The following ARMC8 variants were observed in gnomAD, a reference collection of about 807,000 sequenced individuals.
The protein encoded by ARMC8 is armadillo repeat-containing protein 8.
Under a neutral mutation model 99.3 loss-of-function variants are expected in ARMC8, and 20 were observed. The ratio of observed to expected loss-of-function variants is 0.20; its 90% CI spans 0.14 to 0.29. The LOEUF (loss-of-function observed/expected upper bound fraction) is 0.29. Ranked by LOEUF, ARMC8 falls within the 10% of genes least tolerant of loss-of-function variation. ARMC8 has a pLI of 1.00. For missense variants in ARMC8, 569 were observed against 809.5 expected (o/e 0.70, Z 3.60); for synonymous variants, 263 against 278.3 (o/e 0.95, Z 0.55).
chr3:138,230,176 T>C (rs2045960242), intron 6 of ARMC8, among the ~76,000 whole-genome samples: 2 of 152,206 alleles, frequency 1.3e-5, no homozygotes, highest in Admixed American at 1.3e-4. Context: ...TATCAAACAA[T>C]GCCTTATAAT....
At chr3:138,211,651 G>A (rs1285291488) in intron 2 of ARMC8, among the ~76,000 whole-genome samples, 1 of 152,138 alleles carries the variant, frequency 6.6e-6, no homozygotes, top group Non-Finnish European at 1.5e-5. Flanking sequence ...GAAGGAGCGT[G>A]GGGTTTGGAG....
At chr3:138,195,603 C>G (rs766410316) in intron 1 of ARMC8, among the ~76,000 whole-genome samples, 17 of 152,102 alleles carry the variant, frequency 1.1e-4, no homozygotes, top group Non-Finnish European at 2.1e-4. Flanking sequence ...GTCAGTGATT[C>G]TGACTTGTAT....
chr3:138,256,301 C>T (rs980448470), intron 12 of ARMC8, among the ~76,000 whole-genome samples: 1 of 151,866 alleles, frequency 6.6e-6, no homozygotes, highest in African/African-American at 2.4e-5. Context: ...GGCTGGCATC[C>T]TCTCTGAGCT....
Position 138,201,409 on chromosome 3 carries a change from C to T in ARMC8, c.46-8408C>T, listed in dbSNP as rs540152589. Among the ~76,000 whole-genome samples, 4 of 138,924 alleles carry T rather than the reference C, an allele frequency of 2.9e-5. No individual in the cohort carries two copies. The East Asian group carries it at 8.9e-4, about 31-fold the overall frequency. 91.1% of individuals were successfully genotyped at this position (138,924 alleles called of 152,430 possible). A position where few individuals can be genotyped will look rare whatever the true frequency, so the allele number is the denominator to read the frequency against. On this transcript the variant is annotated intron_variant, in intron 1 of 21. Coordinates refer to ENST00000469044, the MANE Select transcript of ARMC8 (RefSeq NM_001363941.2). The stretch of plus-strand genomic sequence containing the variant: ...GCTCTTGCATATGTTGTGCTCTCTA[C>T]CTAGAGTCCTTGTCTTCTTCCCCTC...
Position 138,223,488 on chromosome 3 carries a change from C to G in ARMC8, c.294C>G (p.Val98=). The G allele has an allele frequency of 1.2e-6, 2 of 1,614,168 alleles. No homozygotes were observed. Among genetic ancestry groups the G allele is most frequent in the South Asian group, 2.2e-5 (2 of 91,074 alleles). ...GSLAMGTENN[V]KSLLDCHIIP... The stretch of plus-strand genomic sequence containing the variant: ...TTGCTATGGGTACTGAAAACAATGT[C>G]AAGTCTCTACTGGACTGCCATATTA... Residue 98 remains valine, a synonymous_variant, in exon 4 of 22, where the codon GTC becomes GTG. Coordinates refer to ENST00000469044, the MANE Select transcript of ARMC8 (RefSeq NM_001363941.2).
intron 2 of ARMC8, among the ~76,000 whole-genome samples, chr3:138,212,513 T>G (rs1049967047): frequency 6.6e-6 from 1 of 152,112 alleles, no homozygotes; most frequent in Non-Finnish European, 1.5e-5. Flanking sequence ...TTCTCCATGT[T>G]GGTCAGGCTG....
intron 5 of ARMC8, among the ~76,000 whole-genome samples, chr3:138,228,177 G>A (rs1278320096): frequency 1.3e-5 from 2 of 152,020 alleles, no homozygotes; most frequent in African/African-American, 4.8e-5. Context: ...ACGGGGTTTC[G>A]CCATGTTGGC....
At chr3:138,241,609 G>A (rs1043193479) in intron 10 of ARMC8, among the ~76,000 whole-genome samples, 174 bp from the exon 11 acceptor site, 1 of 152,132 alleles carries the variant, frequency 6.6e-6, no homozygotes, top group African/African-American at 2.4e-5. Flanking sequence ...AATGTGTACT[G>A]AATTTTGCTT....
intron 7 of ARMC8, among the ~76,000 whole-genome samples, chr3:138,235,798 C>CTTTTT (rs71146120): frequency 5.2e-4 from 42 of 80,530 alleles, no homozygotes; most frequent in African/African-American, 6.1e-4. Flanking sequence ...TCCTTTTAGT[C>CTTTTT]TTTTTTTTTT....
chr3:138,269,018 A>T (rs1410203734), intron 15 of ARMC8, among the ~76,000 whole-genome samples: 1 of 152,198 alleles, frequency 6.6e-6, no homozygotes, highest in East Asian at 1.9e-4. Context: ...GGCATGATGT[A>T]CGCATCCTAC....
At chr3:138,285,346 A>G (rs2050304099) in intron 19 of ARMC8, among the ~76,000 whole-genome samples, 1 of 152,218 alleles carries the variant, frequency 6.6e-6, no homozygotes, top group African/African-American at 2.4e-5. Context: ...TATACCTTGA[A>G]TAAAGTTCGT....
At chr3:138,246,910 A>T in intron 12 of ARMC8, 1 of 824,076 alleles carries the variant, frequency 1.2e-6, no homozygotes, top group South Asian at 5.6e-5. Context: ...TGGTAAAGCA[A>T]AGATACTGTG....
In ARMC8 at chr3:138,239,192, T is replaced by TC. The variant is rs3836416; in HGVS notation, c.777-274dup. 682 of 317,248 alleles carry TC rather than the reference T, an allele frequency of 2.1e-3. 13 individuals are homozygous for TC. In the East Asian group the frequency reaches 0.024, roughly 11 times the overall value. The allele number at this position is 317,248 out of a possible 1,614,324, so 19.7% of individuals were successfully genotyped here. On this transcript the variant is annotated intron_variant, in intron 9 of 21. Coordinates refer to ENST00000469044, the MANE Select transcript of ARMC8 (RefSeq NM_001363941.2). The stretch of plus-strand genomic sequence containing the variant: ...GCCCAGCACCTAGCCTCAAAATGTG[T>TC]CCATCATTAGGTTATTTATTTTTAA...
At chr3:138,203,837 T>C (rs1207605138) in intron 1 of ARMC8, among the ~76,000 whole-genome samples, 1 of 152,238 alleles carries the variant, frequency 6.6e-6, no homozygotes, top group Admixed American at 6.5e-5. Context: ...ATAAATTTAC[T>C]TCAGACTTCT....
chr3:138,194,046 C>G (rs1391991109), intron 1 of ARMC8, among the ~76,000 whole-genome samples: 1 of 142,322 alleles, frequency 7.0e-6, no homozygotes, highest in Non-Finnish European at 1.5e-5. Flanking sequence ...GGCATTACGT[C>G]TTTTTTTTTT....
At chr3:138,219,496 A>T (rs1300042906) in intron 2 of ARMC8, among the ~76,000 whole-genome samples, 2 of 152,188 alleles carry the variant, frequency 1.3e-5, no homozygotes, top group Non-Finnish European at 2.9e-5. Context: ...GGGAGGGGAT[A>T]AGGAGATGAC....
chr3:138,239,321 C>T (rs1457838571), intron 9 of ARMC8, 147 bp from the exon 10 acceptor site: 15 of 561,656 alleles, frequency 2.7e-5, no homozygotes, highest in Non-Finnish European at 4.4e-5. Context: ...ACTGAACCTC[C>T]GAAAAGCGAA....
chr3:138,223,151 T>C (rs924023224), intron 3 of ARMC8, among the ~76,000 whole-genome samples: 1 of 152,214 alleles, frequency 6.6e-6, no homozygotes, highest in Non-Finnish European at 1.5e-5. Context: ...TGGACAACTT[T>C]CAGATTTACA....
intron 18 of ARMC8, 81 bp downstream of exon 18, chr3:138,274,625 A>T (rs2291092): frequency 4.9e-6 from 5 of 1,028,456 alleles, no homozygotes; most frequent in Non-Finnish European, 7.5e-6. Context: ...GAAATATTCA[A>T]ATCTGCAGAA....
Sources: gnomAD v4.1 joint callset for allele counts (sites outside exome capture counted in the v4.1 genomes callset) on GRCh38, gnomAD v4.1.1 for gene constraint, MANE v1.5 for transcripts, NCBI Gene and HGNC (gene_info 2026-07-23, HGNC 2026-07-21) for gene names.